Variants in GSE1 observed in about 807,000 individuals in gnomAD.
GSE1 encodes genetic suppressor element 1.
In GSE1, 32 loss-of-function variants were observed where a neutral mutation model predicts 112.6. The ratio of observed to expected loss-of-function variants is 0.28; its 90% CI spans 0.21 to 0.38. GSE1 has a LOEUF of 0.38. GSE1 is among the 10% of genes least tolerant of loss of function. The pLI is 1.00. For missense variants in GSE1, 2,348 were observed against 1,699.2 expected (o/e 1.38, Z -6.71); for synonymous variants, 1,115 against 735.6 (o/e 1.52, Z -8.35).
chr16:85,238,103 C>CA, intron 1 of GSE1, among the ~76,000 whole-genome samples: 1 of 152,298 alleles, frequency 6.6e-6, no homozygotes, highest in African/African-American at 2.4e-5. Context: ...CCTTGGGCCA[C>CA]ATGGCCTGTG....
At chr16:85,560,571 A>G (rs544808244) in intron 1 of GSE1, among the ~76,000 whole-genome samples, 140 of 152,248 alleles carry the variant, frequency 9.2e-4, no homozygotes, top group African/African-American at 3.2e-3. Flanking sequence ...AGGGAGAGCA[A>G]GGTGCAGGGG....
intron 2 of GSE1, among the ~76,000 whole-genome samples, chr16:85,640,266 C>T (rs1303422056): frequency 2.0e-5 from 3 of 152,204 alleles, no homozygotes; most frequent in Non-Finnish European, 4.4e-5. Flanking sequence ...TAACACCGGC[C>T]GGGGGCTCAT....
Position 85,337,577 on chromosome 16 carries a change from T to TTA in GSE1, c.2284-19885_2284-19884dup, listed in dbSNP as rs533798897. 5.5e-4 allele frequency among the ~76,000 whole-genome samples: 83 copies of TTA among 152,202 alleles called. 1 individual carries two copies. The highest frequency in any genetic ancestry group is 1.9e-3 in the African/African-American group (81 of 41,544). ...GCCTCGGCCTCCCAAAGTGCTGGGA[T>TTA]TACAGGCGTGAGCCACCGCGCCCGG... On this transcript the variant is annotated intron_variant, in intron 1 of 2. Transcript: ENST00000637419.
intron 2 of GSE1, among the ~76,000 whole-genome samples, chr16:85,546,675 C>A (rs2151221959): frequency 6.6e-6 from 1 of 152,334 alleles, no homozygotes; most frequent in African/African-American, 2.4e-5. Context: ...CTCTTCCGGG[C>A]CAGGCCTGGA....
intron 1 of GSE1, among the ~76,000 whole-genome samples, chr16:85,253,702 A>G (rs1473608457): frequency 2.0e-5 from 3 of 152,212 alleles, no homozygotes; most frequent in Admixed American, 6.5e-5. Context: ...AGGAAGAGTT[A>G]GCCAGGGGAG....
intron 1 of GSE1, among the ~76,000 whole-genome samples, chr16:85,557,293 C>G (rs1598172242): frequency 6.6e-6 from 1 of 152,144 alleles, no homozygotes; most frequent in South Asian, 2.1e-4. Flanking sequence ...GTCAGGAAGG[C>G]TGTGCTGCGT....
intron 2 of GSE1, among the ~76,000 whole-genome samples, chr16:85,486,727 C>T (rs1287581702): frequency 2.0e-5 from 3 of 152,254 alleles, no homozygotes; most frequent in South Asian, 2.1e-4. Context: ...ATGCCCGGGA[C>T]GGAGCGGGCA....
At chr16:85,656,058 T>C in intron 6 of GSE1, 141 bp downstream of exon 6, 1 of 716,144 alleles carries the variant, frequency 1.4e-6, no homozygotes, top group South Asian at 1.9e-5. Flanking sequence ...AATGGGACAA[T>C]GATCGTTCAG....
intron 1 of GSE1, among the ~76,000 whole-genome samples, chr16:85,245,969 G>T (rs545286521): frequency 1.1e-4 from 17 of 151,256 alleles, no homozygotes; most frequent in African/African-American, 2.9e-4. Flanking sequence ...TGTGTGTGTG[G>T]GGGGCTGTCT....
intron 1 of GSE1, among the ~76,000 whole-genome samples, chr16:85,233,222 C>G (rs1376721896): frequency 6.6e-6 from 1 of 152,274 alleles, no homozygotes; most frequent in Non-Finnish European, 1.5e-5. Flanking sequence ...GTCTACCCAG[C>G]CTCGTTTGTC....
intron 3 of GSE1, among the ~76,000 whole-genome samples, chr16:85,649,261 A>G (rs1261764230): frequency 6.6e-6 from 1 of 152,154 alleles, no homozygotes; most frequent in Non-Finnish European, 1.5e-5. Flanking sequence ...GGCCCTGGGC[A>G]TCAGGGCTCT....
chr16:85,431,673 G>C (rs146685337), intron 2 of GSE1, among the ~76,000 whole-genome samples: 2 of 151,982 alleles, frequency 1.3e-5, no homozygotes, highest in African/African-American at 2.4e-5. Context: ...GTCCTCCTTC[G>C]GAGCGAAGCT....
At chr16:85,459,281 C>T (rs1279637308) in intron 2 of GSE1, among the ~76,000 whole-genome samples, 2 of 152,192 alleles carry the variant, frequency 1.3e-5, no homozygotes, top group Non-Finnish European at 2.9e-5. Context: ...TGCCCCTCCA[C>T]AGAGCCACCA....
chr16:85,649,009 C>A (rs898430709), intron 3 of GSE1, among the ~76,000 whole-genome samples: 1 of 152,146 alleles, frequency 6.6e-6, no homozygotes, highest in Non-Finnish European at 1.5e-5. Context: ...GTTATTTTCT[C>A]CTGTTCTGGA....
upstream of GSE1, chr16:85,555,868 C>T: frequency 1.3e-6 from 1 of 795,520 alleles, no homozygotes; most frequent in Non-Finnish European, 1.5e-6. Flanking sequence ...AGATCTTAAC[C>T]CCCCAATTTC....
At chr16:85,571,298 G>A (rs2045970198) in intron 1 of GSE1, among the ~76,000 whole-genome samples, 1 of 152,190 alleles carries the variant, frequency 6.6e-6, no homozygotes, top group East Asian at 1.9e-4. Flanking sequence ...CTAATGTGGT[G>A]GCCACTAGCA....
At chr16:85,443,207 C>G (rs1038771697) in intron 2 of GSE1, among the ~76,000 whole-genome samples, 1 of 152,234 alleles carries the variant, frequency 6.6e-6, no homozygotes, top group African/African-American at 2.4e-5. Flanking sequence ...TCCTCCCCAG[C>G]GTGCTGCTGC....
At chr16:85,327,003 A>AC in intron 1 of GSE1, among the ~76,000 whole-genome samples, 1 of 152,340 alleles carries the variant, frequency 6.6e-6, no homozygotes, top group Admixed American at 6.5e-5. Flanking sequence ...CCCACAGGGC[A>AC]CCAGGGGAGG....
intron 2 of GSE1, among the ~76,000 whole-genome samples, chr16:85,479,434 G>A (rs2151867162): frequency 6.6e-6 from 1 of 151,940 alleles, no homozygotes; most frequent in African/African-American, 2.4e-5. Context: ...CTCCCAAAGT[G>A]CCGAGGTTAC....
Sources: gnomAD v4.1 joint callset for allele counts (sites outside exome capture counted in the v4.1 genomes callset) on GRCh38, gnomAD v4.1.1 for gene constraint, MANE v1.5 for transcripts, NCBI Gene and HGNC (gene_info 2026-07-23, HGNC 2026-07-21) for gene names.